The following DYM variants were observed in gnomAD, a reference collection of about 807,000 sequenced individuals.
DYM encodes dymeclin.
Under a neutral mutation model 93.1 loss-of-function variants are expected in DYM, and 78 were observed. The ratio of observed to expected loss-of-function variants is 0.84; its 90% CI spans 0.70 to 1.01. The LOEUF (loss-of-function observed/expected upper bound fraction) is 1.01. Ranked by LOEUF, DYM falls within the 50% of genes least tolerant of loss-of-function variation. The pLI is 0.00. For synonymous variants in DYM, 321 were observed against 319.7 expected, an observed-to-expected ratio of 1.00 and a Z score of -0.04; for missense variants, 789 against 845.0, an observed-to-expected ratio of 0.93 and a Z score of 0.82.
In DYM at chr18:49,092,691, G is replaced by A. The variant is rs533280176; in HGVS notation, c.2025+4711C>T. ...TTGCTTGTATATTATAGGTGATATC[G>A]GTGATGATGATGATGATGCAAATTA... On this transcript the variant is annotated intron_variant, in intron 17 of 17. Transcript: ENST00000675505. Among the ~76,000 whole-genome samples the A allele has an allele frequency of 8.5e-5, 13 of 152,262 alleles. No homozygotes were observed. The South Asian group carries it at 1.0e-3, about 12-fold the overall frequency.
At chr18:49,052,038 TAAA>T (rs983933939) in intron 17 of DYM, among the ~76,000 whole-genome samples, 13 of 152,234 alleles carry the variant, frequency 8.5e-5, no homozygotes, top group African/African-American at 3.1e-4. Flanking sequence ...CACCAGCACC[TAAA>T]AGATTCAGAA....
At chr18:49,223,609 G>C (rs776823373) in intron 13 of DYM, among the ~76,000 whole-genome samples, 3 of 151,940 alleles carry the variant, frequency 2.0e-5, no homozygotes, top group Non-Finnish European at 4.4e-5. Flanking sequence ...TTCTTGAGTG[G>C]ACAAACTAAA....
At chr18:49,342,584 T>TA (rs2064249733) in intron 6 of DYM, among the ~76,000 whole-genome samples, 1 of 152,198 alleles carries the variant, frequency 6.6e-6, no homozygotes, top group Admixed American at 6.5e-5. Context: ...TACTCATTGT[T>TA]ATACTATCTG....
chr18:49,166,607 A>AC (rs1211361973), intron 14 of DYM, among the ~76,000 whole-genome samples: 1 of 152,112 alleles, frequency 6.6e-6, no homozygotes, highest in East Asian at 1.9e-4. Flanking sequence ...GAGATGCAAA[A>AC]AAAAAAAGGT....
At chr18:49,233,478 T>A (rs573391621) in intron 13 of DYM, among the ~76,000 whole-genome samples, 31 of 152,330 alleles carry the variant, frequency 2.0e-4, no homozygotes, top group African/African-American at 7.5e-4. Context: ...ATCTTTGTGT[T>A]CAGATGTAGT....
At chr18:49,114,648 G>T (rs917583101) in intron 16 of DYM, 15 of 891,980 alleles carry the variant, frequency 1.7e-5, no homozygotes, top group Middle Eastern at 5.7e-4. Context: ...GTCTTTCAGA[G>T]ACTTTTTTTT....
intron 14 of DYM, among the ~76,000 whole-genome samples, chr18:49,204,233 A>C (rs1434004224): frequency 6.6e-6 from 1 of 152,220 alleles, no homozygotes; most frequent in East Asian, 1.9e-4. Flanking sequence ...CTTTATAAAA[A>C]GAGAATATAA....
chr18:49,145,068 C>T (rs987988265), intron 15 of DYM, among the ~76,000 whole-genome samples: 1 of 124,410 alleles, frequency 8.0e-6, no homozygotes, highest in Non-Finnish European at 1.8e-5. Context: ...CACTGAGCTC[C>T]AGCCTGGGCA....
intron 16 of DYM, among the ~76,000 whole-genome samples, chr18:49,117,108 G>A (rs1434138865): frequency 6.6e-6 from 1 of 152,172 alleles, no homozygotes; most frequent in Non-Finnish European, 1.5e-5. Context: ...GTGTGAAATG[G>A]TGTTTCTGCT....
intron 2 of DYM, among the ~76,000 whole-genome samples, chr18:49,394,528 C>T (rs1034088589): frequency 2.0e-5 from 3 of 152,014 alleles, no homozygotes; most frequent in African/African-American, 7.3e-5. Flanking sequence ...TCTGTGTTGC[C>T]ATAGAAATTT....
intron 3 of DYM, among the ~76,000 whole-genome samples, chr18:49,382,147 A>T (rs1210606895): frequency 1.3e-5 from 2 of 152,216 alleles, no homozygotes; most frequent in Non-Finnish European, 2.9e-5. Context: ...TAAAAAAACA[A>T]AACAAAACAT....
chr18:49,199,394 T>C (rs2145855020), intron 14 of DYM, among the ~76,000 whole-genome samples: 1 of 152,284 alleles, frequency 6.6e-6, no homozygotes, highest in Middle Eastern at 3.4e-3. Flanking sequence ...AAAAAATTTA[T>C]CTATTACATT....
At chr18:49,327,365 T>G (rs1288562795) in intron 8 of DYM, among the ~76,000 whole-genome samples, 1 of 152,052 alleles carries the variant, frequency 6.6e-6, no homozygotes, top group Non-Finnish European at 1.5e-5. Flanking sequence ...TGTTTTGTTT[T>G]TGTTTTTTTG....
At chr18:49,402,349 C>T (rs998266053) in intron 2 of DYM, among the ~76,000 whole-genome samples, 1 of 152,178 alleles carries the variant, frequency 6.6e-6, no homozygotes, top group Non-Finnish European at 1.5e-5. Context: ...CTTAGAGCAG[C>T]AGCAAGATGG....
intron 17 of DYM, among the ~76,000 whole-genome samples, chr18:49,080,163 A>C (rs1423028907): frequency 1.1e-4 from 3 of 26,340 alleles, no homozygotes; most frequent in Admixed American, 5.4e-4. Flanking sequence ...GGGGGGGCTG[A>C]CCCCCCCACC....
At chr18:49,325,068 T>A (rs2146674267) in intron 8 of DYM, among the ~76,000 whole-genome samples, 1 of 152,144 alleles carries the variant, frequency 6.6e-6, no homozygotes, top group South Asian at 2.1e-4. Context: ...ATCTGAGAGG[T>A]CCCGGGATAA....
intron 14 of DYM, among the ~76,000 whole-genome samples, chr18:49,187,368 A>G (rs2090549468): frequency 6.6e-6 from 1 of 152,206 alleles, no homozygotes; most frequent in African/African-American, 2.4e-5. Flanking sequence ...ATTGACAGTA[A>G]GGACAGTAAT....
intron 1 of DYM, among the ~76,000 whole-genome samples, chr18:49,438,387 A>T (rs2081044337): frequency 6.6e-6 from 1 of 152,140 alleles, no homozygotes; most frequent in Non-Finnish European, 1.5e-5. Context: ...TTTTTTAAAT[A>T]GCCAGTGATT....
chr18:49,401,698 G>A (rs944244438), intron 2 of DYM, among the ~76,000 whole-genome samples: 7 of 151,888 alleles, frequency 4.6e-5, no homozygotes, highest in Non-Finnish European at 7.4e-5. Flanking sequence ...TGGGCTACCC[G>A]GAAGATAATT....
Sources: allele counts gnomAD v4.1 joint callset (sites outside exome capture counted in the v4.1 genomes callset), GRCh38; gene constraint gnomAD v4.1.1; transcripts MANE v1.5; gene names NCBI Gene and HGNC (gene_info 2026-07-23, HGNC 2026-07-21).